The following RTRAF variants were observed in gnomAD, a reference collection of about 807,000 sequenced individuals.
RTRAF encodes tRNA-splicing ligase complex subunit RTRAF.
RTRAF carries 14 observed loss-of-function variants against 34.4 expected under a neutral mutation model. The observed-to-expected ratio is 0.41, with a 90% CI of 0.27 to 0.64. RTRAF has a LOEUF of 0.64. Among genes scored for constraint, RTRAF ranks in the 30% least tolerant of loss-of-function variants. RTRAF has a pLI of 0.34. For synonymous variants in RTRAF, 96 were observed against 95.3 expected, an observed-to-expected ratio of 1.01 and a Z score of -0.04; for missense variants, 291 against 288.4, an observed-to-expected ratio of 1.01 and a Z score of -0.06.
At position 52,005,848 on chromosome 14, in the gene RTRAF, C is replaced by G; in HGVS notation, c.*1332C>G. 6.2e-7 allele frequency: 1 copy of G among 1,600,840 alleles called. No homozygotes were observed. The highest frequency in any genetic ancestry group is 8.6e-7 in the Non-Finnish European group (1 of 1,167,964). On this transcript the variant is annotated 3_prime_UTR_variant, in exon 8 of 8. Coordinates refer to ENST00000261700, the MANE Select transcript of RTRAF (RefSeq NM_016039.3). ...TGTTTATTTACTGATACAACACCAT[C>G]CCTGGTAACAGAAAGGAAGAGTGAA...
chr14:52,006,747 T>TG lies in RTRAF; in HGVS notation c.*2235dup. The TG allele has an allele frequency of 7.1e-7, 1 of 1,410,886 alleles. No individual in the cohort carries two copies. The highest frequency in any genetic ancestry group is 1.2e-5 in the South Asian group (1 of 80,856). 87.4% of individuals were successfully genotyped at this position (1,410,886 alleles called of 1,614,324 possible). Reference sequence around the variant, plus strand: ...TAGTGATAGTGACACAGTGATAGAATGGGGAAATAGGATATTTTACTTCCA... The same window carrying TG: ...TAGTGATAGTGACACAGTGATAGAATGGGGGAAATAGGATATTTTACTTCCA... On this transcript the variant is annotated 3_prime_UTR_variant, in exon 8 of 8. Transcript: ENST00000261700.
At chr14:51,989,722 G>T (rs764274749) in intron 1 of RTRAF, 22 bp downstream of exon 1, 5 of 1,586,906 alleles carry the variant, frequency 3.2e-6, no homozygotes, top group Non-Finnish European at 3.4e-6. Context: ...GCCTCAGCCC[G>T]GCCGCGTGTC....
chr14:52,005,552 G>T lies in RTRAF; in HGVS notation c.*1036G>T. 6.4e-7 allele frequency: 1 copy of T among 1,570,214 alleles called. No homozygotes were observed. Among genetic ancestry groups the T allele is most frequent in the Non-Finnish European group, 8.7e-7 (1 of 1,155,740 alleles). On this transcript the variant is annotated 3_prime_UTR_variant, in exon 8 of 8. Coordinates refer to ENST00000261700, the MANE Select transcript of RTRAF (RefSeq NM_016039.3). ...TGGTGGGTGAGTATATTGTAACCAA[G>T]TTGCAACAGCAAGTCTTTGCATTTT...
Position 52,005,985 on chromosome 14 carries a change from T to C in RTRAF, c.*1469T>C, listed in dbSNP as rs1890763771. On this transcript the variant is annotated 3_prime_UTR_variant, in exon 8 of 8. Coordinates refer to ENST00000261700, the MANE Select transcript of RTRAF (RefSeq NM_016039.3). ...TGTCCCAGGGCTGGTGCTAAAGCCA[T>C]ACTGAAGTTTGAAGACCATTGCTCT... is the stretch of plus-strand genomic sequence containing the variant. The C allele has an allele frequency of 1.7e-5, 11 of 651,070 alleles. No homozygotes were observed. Among genetic ancestry groups the C allele is most frequent in the Non-Finnish European group, 3.0e-5 (11 of 361,438 alleles). The allele number at this position is 651,070 out of a possible 1,614,324, so 40.3% of individuals were successfully genotyped here.
chr14:51,998,384 AG>A, intron 3 of RTRAF, 109 bp from the exon 4 acceptor site: 1 of 585,948 alleles, frequency 1.7e-6, no homozygotes, highest in Admixed American at 3.2e-5. Context: ...ATTTCCAGTA[AG>A]GGAAACTCAA....
chr14:52,001,958 T>A (rs1890607889), intron 6 of RTRAF, 92 bp downstream of exon 6: 2 of 1,093,954 alleles, frequency 1.8e-6, no homozygotes, highest in East Asian at 5.2e-5. Flanking sequence ...GTTTAAGATA[T>A]CCATTCTACG....
chr14:52,009,444 C>T lies in RTRAF; in HGVS notation c.*4928C>T, dbSNP rs544889186. Reference sequence around the variant, plus strand: ...GGAAGGCTTGACAACCATTCTGTTACGCAGTTGAAGGAGATGTAATTACAT... The same window carrying T: ...GGAAGGCTTGACAACCATTCTGTTATGCAGTTGAAGGAGATGTAATTACAT... On this transcript the variant is annotated 3_prime_UTR_variant, in exon 8 of 8. Transcript: ENST00000261700. 2.0e-5 allele frequency: 3 copies of T among 152,146 alleles called. No homozygotes were observed. The highest frequency in any genetic ancestry group is 2.9e-5 in the Non-Finnish European group (2 of 68,032). The allele number at this position is 152,146 out of a possible 1,614,324, so 9.4% of individuals were successfully genotyped here.
At chr14:52,004,030 T>A in intron 6 of RTRAF, 164 bp from the exon 7 acceptor site, 1 of 654,076 alleles carries the variant, frequency 1.5e-6, no homozygotes, top group Non-Finnish European at 2.7e-6. Flanking sequence ...AACTCGCTAA[T>A]CACAATCATC....
chr14:51,999,057 A>T (rs1385525298), intron 4 of RTRAF, among the ~76,000 whole-genome samples: 2 of 151,980 alleles, frequency 1.3e-5, no homozygotes, highest in African/African-American at 4.8e-5. Flanking sequence ...CTTTTGAATG[A>T]GTGAGCCTCT....
chr14:52,006,747 T>G lies in RTRAF; in HGVS notation c.*2231T>G. The G allele has an allele frequency of 7.1e-7, 1 of 1,410,886 alleles. No individual in the cohort carries two copies. The allele number at this position is 1,410,886 out of a possible 1,614,324, so 87.4% of individuals were successfully genotyped here. On this transcript the variant is annotated 3_prime_UTR_variant, in exon 8 of 8. Coordinates refer to ENST00000261700, the MANE Select transcript of RTRAF (RefSeq NM_016039.3). ...TAGTGATAGTGACACAGTGATAGAATGGGGAAATAGGATATTTTACTTCCA... is the reference window on the plus strand; with the variant it reads ...TAGTGATAGTGACACAGTGATAGAAGGGGGAAATAGGATATTTTACTTCCA...
In RTRAF at chr14:52,001,781, A is replaced by G. The variant is rs374136328; in HGVS notation, c.463-17A>G. ...TACACAGCCTATAAAAAGTAAAAAT[A>G]TTTTTGGGTTTCTTAGGCAATTCGG... On this transcript the variant is annotated splice_polypyrimidine_tract_variant and intron_variant, in intron 5 of 7. Coordinates refer to ENST00000261700, the MANE Select transcript of RTRAF (RefSeq NM_016039.3). 10 of 1,609,172 alleles carry G rather than the reference A, an allele frequency of 6.2e-6. No homozygotes were observed. The African/African-American group carries it at 1.2e-4, about 19-fold the overall frequency.
At position 52,004,523 on chromosome 14, in the gene RTRAF, GAGGACTTCA is replaced by G. The variant is rs1052429326; in HGVS notation, c.*8_*16del. On this transcript the variant is annotated 3_prime_UTR_variant, in exon 8 of 8. Transcript: ENST00000261700. ...GGGAAAAGTTGGAAGATGAACACTT[GAGGACTTCA>G]GCTTCTCACCTACTTAGTACAGTTG... 1 of 1,609,310 alleles carries G rather than the reference GAGGACTTCA, an allele frequency of 6.2e-7. No individual in the cohort carries two copies. The highest frequency in any genetic ancestry group is 1.4e-5 in the African/African-American group (1 of 73,674).
intron 7 of RTRAF, 31 bp from the exon 8 acceptor site, chr14:52,004,331 A>G (rs779371658): frequency 1.1e-5 from 18 of 1,611,168 alleles, no homozygotes; most frequent in Non-Finnish European, 1.4e-5. Context: ...AAAATTATGT[A>G]TTGAAGCAGT....
chr14:52,001,890 A>G (rs555079066), intron 6 of RTRAF, 24 bp downstream of exon 6: 1 of 1,584,470 alleles, frequency 6.3e-7, no homozygotes. Context: ...AATCCTAAAT[A>G]AGTTGTTAAT....
intron 4 of RTRAF, chr14:51,999,473 C>T (rs1453362133): frequency 1.1e-5 from 4 of 366,448 alleles, no homozygotes; most frequent in African/African-American, 4.2e-5. Context: ...CAAGTCTAAC[C>T]ATCCTAAGTT....
intron 1 of RTRAF, among the ~76,000 whole-genome samples, chr14:51,991,111 G>A (rs1212973499): frequency 6.6e-6 from 1 of 152,192 alleles, no homozygotes; most frequent in Non-Finnish European, 1.5e-5. Context: ...CAACCAGTAA[G>A]TATCTGGACC....
rs1275324994 is a variant in RTRAF, at chr14:52,008,883, C to T, written c.*4367C>T. 6.6e-6 allele frequency: 1 copy of T among 152,158 alleles called. No homozygotes were observed. Among genetic ancestry groups the T allele is most frequent in the Non-Finnish European group, 1.5e-5 (1 of 68,028 alleles). The allele number at this position is 152,158 out of a possible 1,614,324, so 9.4% of individuals were successfully genotyped here. A position where few individuals can be genotyped will look rare whatever the true frequency, so the allele number is the denominator to read the frequency against. On this transcript the variant is annotated 3_prime_UTR_variant, in exon 8 of 8. Coordinates refer to ENST00000261700, the MANE Select transcript of RTRAF (RefSeq NM_016039.3). ...AGGGATGGAAACATTTTAAGTTAAGCACTTTACCTTTTAAATGCCACGTTA... is the reference window on the plus strand; with the variant it reads ...AGGGATGGAAACATTTTAAGTTAAGTACTTTACCTTTTAAATGCCACGTTA...
rs1476011253 is a variant in RTRAF at position 51,999,736 on chromosome 14, G to A, written c.402G>A (p.Val134=). The A allele has an allele frequency of 3.7e-6, 6 of 1,609,870 alleles. No individual in the cohort carries two copies. The highest frequency in any genetic ancestry group is 5.1e-6 in the Non-Finnish European group (6 of 1,177,072). Residue 134 remains valine, a synonymous_variant, in exon 5 of 8, where the codon GTG becomes GTA. Coordinates refer to ENST00000261700, the MANE Select transcript of RTRAF (RefSeq NM_016039.3). The part of the protein sequence containing the change: ...DVNNPDFKAG[V]MALANLLQIQ... ...ATAATCCTGATTTTAAGGCTGGTGT[G>A]ATGGCTTTGGCTAACCTGCTTCAGA...
chr14:51,994,604 T>G (rs1411824700), intron 3 of RTRAF, among the ~76,000 whole-genome samples: 1 of 152,202 alleles, frequency 6.6e-6, no homozygotes, highest in Non-Finnish European at 1.5e-5. Context: ...TAGTGTCACC[T>G]TCTGTTCTTA....
Sources: gnomAD v4.1 joint callset for allele counts (sites outside exome capture counted in the v4.1 genomes callset) on GRCh38, gnomAD v4.1.1 for gene constraint, MANE v1.5 for transcripts, NCBI Gene and HGNC (gene_info 2026-07-23, HGNC 2026-07-21) for gene names.